Variants in APOBEC3D observed in about 807,000 individuals in gnomAD.
The protein encoded by APOBEC3D is DNA dC->dU-editing enzyme APOBEC-3D.
APOBEC3D carries 37 observed loss-of-function variants against 45.6 expected under a neutral mutation model. The observed-to-expected ratio is 0.81, with a 90% CI of 0.62 to 1.07. The LOEUF is 1.07. APOBEC3D is among the 50% of genes least tolerant of loss of function. The probability of loss-of-function intolerance (pLI) is 0.00; values close to 1 mark genes in which losing one functional copy is unlikely to be tolerated. For missense variants in APOBEC3D, 496 were observed against 495.3 expected (o/e 1.00, Z -0.01); for synonymous variants, 175 against 180.7 (o/e 0.97, Z 0.25).
chr22:39,025,125 G>T lies in APOBEC3D; in HGVS notation c.266G>T (p.Gly89Val). The T allele has an allele frequency of 6.2e-7, 1 of 1,612,600 alleles. No individual in the cohort carries two copies. Among genetic ancestry groups the T allele is most frequent in the Non-Finnish European group, 8.5e-7 (1 of 1,178,974 alleles). Residue 89 changes from glycine to valine, a missense_variant, in exon 3 of 7, where the codon GGC (glycine) becomes GTC (valine). Physicochemically the swap from Gly to Val is moderately radical, Grantham distance 109. Transcript: ENST00000216099. ...AEMCFLSWFC[G>V]NRLPANRRFQ... ...ATGTGCTTCTTATCTTGGTTCTGTG[G>T]CAACCGACTGCCTGCTAACAGGCGC... is the stretch of plus-strand genomic sequence containing the variant.
At position 39,025,130 on chromosome 22, in the gene APOBEC3D, C is replaced by T. The variant is rs1182018455; in HGVS notation, c.271C>T (p.Arg91Ter). 11 of 1,612,766 alleles carry T rather than the reference C, an allele frequency of 6.8e-6. No individual in the cohort carries two copies. In the South Asian group the frequency reaches 7.7e-5, roughly 11 times the overall value. ...MCFLSWFCGN[R>*]LPANRRFQIT... ...CTTCTTATCTTGGTTCTGTGGCAAC[C>T]GACTGCCTGCTAACAGGCGCTTCCA... Residue 91 changes from arginine to a stop codon, truncating the protein, a stop_gained, in exon 3 of 7, where the codon CGA (arginine) becomes TGA (stop). Transcript: ENST00000216099. LOFTEE classifies it high-confidence loss of function.
rs1925080071 is a variant in APOBEC3D at position 39,021,330 on chromosome 22, A to G, written c.-190A>G. 1 of 642,424 alleles carries G rather than the reference A, an allele frequency of 1.6e-6. No homozygotes were observed. The highest frequency in any genetic ancestry group is 2.8e-6 in the Non-Finnish European group (1 of 359,334). The allele number at this position is 642,424 out of a possible 1,614,324, so 39.8% of individuals were successfully genotyped here. ...TCCATGTTGGTCAGGCTGGTCTCGA[A>G]CTCCTGACCTCGTGATCCGCCCGCC... On this transcript the variant is annotated 5_prime_UTR_variant, in exon 1 of 7. Transcript: ENST00000216099.
chr22:39,027,763 C>A (rs1466431712), intron 4 of APOBEC3D, among the ~76,000 whole-genome samples: 11 of 152,204 alleles, frequency 7.2e-5, no homozygotes, highest in Admixed American at 7.2e-4. Context: ...CCCTCTGGTT[C>A]CTCTGCTGCT....
Position 39,033,170 on chromosome 22 carries a change from T to C in APOBEC3D, c.*854T>C. On this transcript the variant is annotated 3_prime_UTR_variant, in exon 7 of 7. Transcript: ENST00000216099. ...AGGTGGAGGCTGGAGTAAACTGAGA[T>C]CGCGCCACAGAACTCCAGTTTGAGC... The C allele has an allele frequency of 1.4e-6, 1 of 728,752 alleles. No homozygotes were observed. The highest frequency in any genetic ancestry group is 6.2e-5 in the South Asian group (1 of 16,006). 45.1% of individuals were successfully genotyped at this position (728,752 alleles called of 1,614,324 possible). A position where few individuals can be genotyped will look rare whatever the true frequency, so the allele number is the denominator to read the frequency against.
chr22:39,021,130 G>T lies in APOBEC3D; in HGVS notation c.-390G>T. 6.7e-6 allele frequency: 1 copy of T among 148,222 alleles called. No homozygotes were observed. The highest frequency in any genetic ancestry group is 1.4e-5 in the Non-Finnish European group (1 of 69,512). 9.2% of individuals were successfully genotyped at this position (148,222 alleles called of 1,614,324 possible). On this transcript the variant is annotated 5_prime_UTR_variant, in exon 1 of 7. It adds an upstream start codon to the 5' untranslated region. Transcript: ENST00000216099. ...ACTTTTTTTTTTTTTTTTTTTGAGA[G>T]GAAGCCTCGCTCTCTCACCCAGGCT...
intron 4 of APOBEC3D, 35 bp downstream of exon 4, chr22:39,025,706 C>G (rs1387845096): frequency 6.2e-7 from 1 of 1,613,322 alleles, no homozygotes. Context: ...CGTCTCTCTC[C>G]TCTCGCCTCC....
chr22:39,025,984 A>G (rs1925623140), intron 4 of APOBEC3D, among the ~76,000 whole-genome samples: 1 of 152,176 alleles, frequency 6.6e-6, no homozygotes, highest in Non-Finnish European at 1.5e-5. Context: ...CGAATTTGTC[A>G]TAAAACTGGA....
rs189444557 is a variant in APOBEC3D at position 39,025,380 on chromosome 22, C to T, written c.490+31C>T. 2.5e-4 allele frequency: 406 copies of T among 1,611,934 alleles called. 1 individual carries two copies. The African/African-American group carries it at 3.4e-3, about 14-fold the overall frequency. On this transcript the variant is annotated intron_variant, in intron 3 of 6. Transcript: ENST00000216099. ...AGGTGCAGGGGTCAGGGGAGCATGACGGGGAGGAACAGCCTCAGAGATGGA... is the reference window on the plus strand; with the variant it reads ...AGGTGCAGGGGTCAGGGGAGCATGATGGGGAGGAACAGCCTCAGAGATGGA...
At position 39,021,329 on chromosome 22, in the gene APOBEC3D, A is replaced by G; in HGVS notation, c.-191A>G. 1.6e-6 allele frequency: 1 copy of G among 642,036 alleles called. No homozygotes were observed. Among genetic ancestry groups the G allele is most frequent in the Admixed American group, 2.4e-5 (1 of 40,824 alleles). The allele number at this position is 642,036 out of a possible 1,614,324, so 39.8% of individuals were successfully genotyped here. A position where few individuals can be genotyped will look rare whatever the true frequency, so the allele number is the denominator to read the frequency against. Reference sequence around the variant, plus strand: ...CTCCATGTTGGTCAGGCTGGTCTCGAACTCCTGACCTCGTGATCCGCCCGC... The same window carrying G: ...CTCCATGTTGGTCAGGCTGGTCTCGGACTCCTGACCTCGTGATCCGCCCGC... On this transcript the variant is annotated 5_prime_UTR_variant, in exon 1 of 7. Transcript: ENST00000216099.
At chr22:39,028,163 C>G (rs571255555) in intron 4 of APOBEC3D, among the ~76,000 whole-genome samples, 1 of 152,168 alleles carries the variant, frequency 6.6e-6, no homozygotes, top group Non-Finnish European at 1.5e-5. Flanking sequence ...AGGATGCACA[C>G]GACCCCAGAC....
intron 1 of APOBEC3D, among the ~76,000 whole-genome samples, chr22:39,022,585 C>G (rs1925226083): frequency 6.6e-6 from 1 of 152,164 alleles, no homozygotes; most frequent in African/African-American, 2.4e-5. Flanking sequence ...GGAATATACC[C>G]CTGGAAAGGC....
rs577940875 is a variant in APOBEC3D at position 39,032,439 on chromosome 22, G to C, written c.*123G>C. On this transcript the variant is annotated 3_prime_UTR_variant, in exon 7 of 7. Coordinates refer to ENST00000216099, the MANE Select transcript of APOBEC3D (RefSeq NM_152426.4). ...CATCCTGAGCCCCTCCTGGCCTCAG[G>C]GCCATTCCATAGTGCCCCCCTGCCT... The C allele has an allele frequency of 3.6e-5, 55 of 1,515,956 alleles. No individual in the cohort carries two copies. Among genetic ancestry groups the C allele is most frequent in the Non-Finnish European group, 4.8e-5 (55 of 1,139,628 alleles). The allele number at this position is 1,515,956 out of a possible 1,614,324, so 93.9% of individuals were successfully genotyped here. A position where few individuals can be genotyped will look rare whatever the true frequency, so the allele number is the denominator to read the frequency against.
intron 6 of APOBEC3D, 41 bp from the exon 7 acceptor site, chr22:39,032,157 C>T: frequency 6.2e-7 from 1 of 1,607,124 alleles, no homozygotes; most frequent in Non-Finnish European, 8.5e-7. Context: ...GGGAGAGAGG[C>T]TTGCTGGGCC....
At chr22:39,032,146 C>G in intron 6 of APOBEC3D, 52 bp from the exon 7 acceptor site, 1 of 1,603,142 alleles carries the variant, frequency 6.2e-7, no homozygotes, top group Non-Finnish European at 8.5e-7. Context: ...GGCCCAGGGC[C>G]GGGAGAGAGG....
In APOBEC3D at chr22:39,032,430, T is replaced by C; in HGVS notation, c.*114T>C. On this transcript the variant is annotated 3_prime_UTR_variant, in exon 7 of 7. Transcript: ENST00000216099. ...TTGCCTGGTCATCCTGAGCCCCTCCTGGCCTCAGGGCCATTCCATAGTGCC... is the reference window on the plus strand; with the variant it reads ...TTGCCTGGTCATCCTGAGCCCCTCCCGGCCTCAGGGCCATTCCATAGTGCC... The C allele has an allele frequency of 6.5e-7, 1 of 1,531,092 alleles. No homozygotes were observed. The highest frequency in any genetic ancestry group is 8.7e-7 in the Non-Finnish European group (1 of 1,144,786). The allele number at this position is 1,531,092 out of a possible 1,614,324, so 94.8% of individuals were successfully genotyped here. A position where few individuals can be genotyped will look rare whatever the true frequency, so the allele number is the denominator to read the frequency against.
In APOBEC3D at chr22:39,025,665, T is replaced by C. The variant is rs1338924651; in HGVS notation, c.599T>C (p.Ile200Thr). The change falls in exon 4 of 7, where the codon ATT becomes ACT. Residue 200 changes from isoleucine to threonine, a missense_variant. Physicochemically the swap from Ile to Thr is moderately conservative, Grantham distance 89. Coordinates refer to ENST00000216099, the MANE Select transcript of APOBEC3D (RefSeq NM_152426.4). Reference protein sequence around the residue: ...YASLHRTLKEILRNPMEAMYP... With the variant: ...YASLHRTLKETLRNPMEAMYP... ...TCCCTGCACCGCACGCTAAAGGAGA[T>C]TCTCAGGTGAGGGTCTCCCTCTGGC... is the stretch of plus-strand genomic sequence containing the variant. 1.2e-6 allele frequency: 2 copies of C among 1,614,046 alleles called. No homozygotes were observed. Among genetic ancestry groups the C allele is most frequent in the Admixed American group, 1.7e-5 (1 of 60,016 alleles).
intron 4 of APOBEC3D, among the ~76,000 whole-genome samples, chr22:39,026,879 G>A (rs959048551): frequency 3.3e-5 from 5 of 151,972 alleles, no homozygotes; most frequent in Non-Finnish European, 7.4e-5. Flanking sequence ...AGCCTCCCAA[G>A]TACCTGGGAT....
At position 39,032,270 on chromosome 22, in the gene APOBEC3D, C is replaced by T; in HGVS notation, c.1115C>T (p.Thr372Ile). Residue 372 changes from threonine to isoleucine, a missense_variant, in exon 7 of 7, where the codon ACC becomes ATC. Coordinates refer to ENST00000216099, the MANE Select transcript of APOBEC3D (RefSeq NM_152426.4). ...EPFKPWKGLQ[T>I]NFRLLKRRLR... ...TTCAAGCCTTGGAAGGGACTACAAA[C>T]CAACTTTCGACTTCTGAAAAGAAGG... is the stretch of plus-strand genomic sequence containing the variant. 1 of 1,614,180 alleles carries T rather than the reference C, an allele frequency of 6.2e-7. No individual in the cohort carries two copies.
At position 39,032,706 on chromosome 22, in the gene APOBEC3D, G is replaced by C. The variant is rs1297443401; in HGVS notation, c.*390G>C. 1.2e-5 allele frequency: 8 copies of C among 680,324 alleles called. No homozygotes were observed. The highest frequency in any genetic ancestry group is 1.4e-5 in the Non-Finnish European group (8 of 557,004). 42.1% of individuals were successfully genotyped at this position (680,324 alleles called of 1,614,324 possible). A position where few individuals can be genotyped will look rare whatever the true frequency, so the allele number is the denominator to read the frequency against. ...CTTACTGGGTTCAAGTGATTCTCCT[G>C]TCTCAGCTTCTGAGTAGCTGGGATT... On this transcript the variant is annotated 3_prime_UTR_variant, in exon 7 of 7. Transcript: ENST00000216099.
Sources: allele counts gnomAD v4.1 joint callset (sites outside exome capture counted in the v4.1 genomes callset), GRCh38; gene constraint gnomAD v4.1.1; transcripts MANE v1.5; gene names NCBI Gene and HGNC (gene_info 2026-07-23, HGNC 2026-07-21).